ATP10B: variants seen among roughly 807,000 people sequenced by gnomAD.
The protein encoded by ATP10B is phospholipid-transporting ATPase VB.
In ATP10B, 122 loss-of-function variants were observed where a neutral mutation model predicts 141.2. That is an observed-to-expected ratio of 0.86 (90% CI 0.75 to 1.00). ATP10B has a LOEUF of 1.00. ATP10B is among the 50% of genes least tolerant of loss of function. The probability of loss-of-function intolerance (pLI) is 0.00; values close to 1 mark genes in which losing one functional copy is unlikely to be tolerated. For synonymous variants in ATP10B, 685 were observed against 692.0 expected, an observed-to-expected ratio of 0.99 and a Z score of 0.16; for missense variants, 1,876 against 1,825.3, an observed-to-expected ratio of 1.03 and a Z score of -0.51.
At chr5:160,840,216 A>C (rs1775725870) in intron 1 of ATP10B, among the ~76,000 whole-genome samples, 1 of 152,040 alleles carries the variant, frequency 6.6e-6, no homozygotes, top group Admixed American at 6.6e-5. Flanking sequence ...AAATATTGAC[A>C]AGCTTTCTTG....
At chr5:160,660,940 A>C (rs935346603) in intron 7 of ATP10B, among the ~76,000 whole-genome samples, 1 of 152,228 alleles carries the variant, frequency 6.6e-6, no homozygotes, top group Non-Finnish European at 1.5e-5. Context: ...TAATCCCAAC[A>C]GTTTGGGAGG....
chr5:160,640,497 C>G lies in ATP10B; in HGVS notation c.964G>C (p.Gly322Arg). 1 of 1,614,070 alleles carries G rather than the reference C, an allele frequency of 6.2e-7. No individual in the cohort carries two copies. The highest frequency in any genetic ancestry group is 1.7e-5 in the Admixed American group (1 of 60,008). The change falls in exon 10 of 26, where the codon GGG (glycine) becomes CGG (arginine). Residue 322 changes from glycine to arginine, a missense_variant. By Grantham distance (125) the Gly-to-Arg change is moderately radical. Transcript: ENST00000327245. ...ATAAGGCACATGAGGATGAGGATCC[C>G]AATGCAGAAGAAGATGTCTATATTC... The part of the protein sequence containing the change: ...RMNIDIFFCI[G>R]ILILMCLIGA...
intron 1 of ATP10B, among the ~76,000 whole-genome samples, chr5:160,807,745 T>C (rs1199760950): frequency 2.6e-5 from 4 of 152,204 alleles, no homozygotes; most frequent in African/African-American, 9.6e-5. Context: ...TCTAGATGAA[T>C]TCTTTTTAAA....
chr5:160,662,308 A>G (rs886113112), intron 7 of ATP10B, among the ~76,000 whole-genome samples: 1 of 152,216 alleles, frequency 6.6e-6, no homozygotes, highest in African/African-American at 2.4e-5. Context: ...TCAAGTTCAT[A>G]TGGAACCAAA....
chr5:160,667,643 A>G (rs1047855519), intron 7 of ATP10B, among the ~76,000 whole-genome samples: 1 of 152,152 alleles, frequency 6.6e-6, no homozygotes, highest in African/African-American at 2.4e-5. Flanking sequence ...CTCTGTGAGA[A>G]CTGAGGGTTA....
chr5:160,659,328 G>T (rs563159384), intron 7 of ATP10B, among the ~76,000 whole-genome samples: 99 of 152,130 alleles, frequency 6.5e-4, no homozygotes, highest in African/African-American at 2.2e-3. Context: ...AGCCGGGTAT[G>T]GTAGTGGGCA....
At chr5:160,730,671 G>A (rs1445076019) in intron 2 of ATP10B, among the ~76,000 whole-genome samples, 1 of 152,084 alleles carries the variant, frequency 6.6e-6, no homozygotes, top group Non-Finnish European at 1.5e-5. Context: ...TCTTCTAGTA[G>A]CCCCTCTGGC....
At chr5:160,761,476 G>A (rs1769038408) in intron 2 of ATP10B, among the ~76,000 whole-genome samples, 1 of 152,166 alleles carries the variant, frequency 6.6e-6, no homozygotes, top group African/African-American at 2.4e-5. Context: ...AGACCCAGAA[G>A]TGCAATAACA....
At chr5:160,856,607 C>G (rs888368304), upstream of ATP10B, among the ~76,000 whole-genome samples, 1 of 151,640 alleles carries the variant, frequency 6.6e-6, no homozygotes, top group Middle Eastern at 3.2e-3. Flanking sequence ...AATATTAAGT[C>G]TGTCACTAAT....
At chr5:160,851,130 A>G (rs573767487) in intron 1 of ATP10B, among the ~76,000 whole-genome samples, 1 of 152,326 alleles carries the variant, frequency 6.6e-6, no homozygotes, top group African/African-American at 2.4e-5. Context: ...ACAGTTTTCA[A>G]ATTCTCCTCT....
chr5:160,656,326 A>G (rs1010384466), intron 7 of ATP10B, among the ~76,000 whole-genome samples: 2 of 152,158 alleles, frequency 1.3e-5, no homozygotes, highest in African/African-American at 2.4e-5. Context: ...TGCCCTGCCC[A>G]TTAAACACTC....
intron 3 of ATP10B, among the ~76,000 whole-genome samples, chr5:160,700,025 C>T (rs187245816): frequency 1.3e-3 from 203 of 152,070 alleles, no homozygotes; most frequent in African/African-American, 4.6e-3. Context: ...AGGGGCTGTC[C>T]CCTTCTTTGG....
chr5:160,895,466 TG>T, the ATP10B span, among the ~76,000 whole-genome samples: 1 of 152,154 alleles, frequency 6.6e-6, no homozygotes, highest in African/African-American at 2.4e-5. Context: ...CATTACATAA[TG>T]GTAAAGGGAT....
intron 24 of ATP10B, among the ~76,000 whole-genome samples, chr5:160,577,992 G>C (rs1249976901): frequency 4.6e-5 from 7 of 151,800 alleles, no homozygotes; most frequent in Non-Finnish European, 8.8e-5. Context: ...ATAGTTGTAT[G>C]AAAATATCAA....
At chr5:160,787,161 T>C (rs1458035607) in intron 1 of ATP10B, among the ~76,000 whole-genome samples, 1 of 150,306 alleles carries the variant, frequency 6.7e-6, no homozygotes, top group African/African-American at 2.5e-5. Context: ...TTATTTGAAC[T>C]ACATTCACAC....
intron 2 of ATP10B, among the ~76,000 whole-genome samples, chr5:160,725,704 CAAAGT>C (rs1374175196): frequency 1.4e-4 from 21 of 152,208 alleles, no homozygotes; most frequent in Non-Finnish European, 2.6e-4. Flanking sequence ...CTTGGCCTCC[CAAAGT>C]GCTGGGATTA....
intron 10 of ATP10B, among the ~76,000 whole-genome samples, chr5:160,636,527 G>C (rs1308476687): frequency 6.6e-6 from 1 of 152,170 alleles, no homozygotes; most frequent in Non-Finnish European, 1.5e-5. Context: ...TCCTTTGATA[G>C]GCATTAAGTT....
chr5:160,909,100 T>TCAGA, the ATP10B span, among the ~76,000 whole-genome samples: 331 of 151,834 alleles, frequency 2.2e-3, no homozygotes, highest in African/African-American at 7.6e-3. Context: ...TTATGGGGGG[T>TCAGA]CAGACAAAGA....
intron 20 of ATP10B, 40 bp from the exon 21 acceptor site, chr5:160,602,742 C>A: frequency 6.2e-7 from 1 of 1,611,750 alleles, no homozygotes. Flanking sequence ...CCATCCATGG[C>A]TGCCAGTGCC....
Sources: allele counts gnomAD v4.1 joint callset (sites outside exome capture counted in the v4.1 genomes callset), GRCh38; gene constraint gnomAD v4.1.1; transcripts MANE v1.5; gene names NCBI Gene and HGNC (gene_info 2026-07-23, HGNC 2026-07-21).